DNAH6: variants seen among roughly 807,000 people sequenced by gnomAD.
DNAH6 encodes dynein axonemal heavy chain 6.
DNAH6 carries 340 observed loss-of-function variants against 491.4 expected under a neutral mutation model. The observed-to-expected ratio is 0.69, with a 90% CI of 0.63 to 0.76. The LOEUF is 0.76. DNAH6 is among the 30% of genes least tolerant of loss of function. DNAH6 has a pLI of 0.00. For synonymous variants in DNAH6, 1,603 were observed against 1,686.1 expected, an observed-to-expected ratio of 0.95 and a Z score of 1.21; for missense variants, 4,443 against 4,972.2, an observed-to-expected ratio of 0.89 and a Z score of 3.20.
chr2:84,765,447 T>G (rs1454280865), intron 64 of DNAH6, among the ~76,000 whole-genome samples: 1 of 152,088 alleles, frequency 6.6e-6, no homozygotes, highest in Non-Finnish European at 1.5e-5. Flanking sequence ...AGGAAGGTTA[T>G]TAATCAGTAG....
intron 62 of DNAH6, among the ~76,000 whole-genome samples, chr2:84,743,310 T>C (rs1381422369): frequency 3.3e-5 from 5 of 152,212 alleles, no homozygotes; most frequent in African/African-American, 1.2e-4. Context: ...CCTGTTTTTA[T>C]GTGTTAGATT....
At chr2:84,751,252 A>G (rs1449563522) in intron 63 of DNAH6, 1 of 152,250 alleles carries the variant, frequency 6.6e-6, no homozygotes. Context: ...AAGAAGCCTT[A>G]TAACTAAGAC....
intron 64 of DNAH6, chr2:84,777,919 G>A: frequency 8.8e-7 from 1 of 1,130,466 alleles, no homozygotes; most frequent in Non-Finnish European, 1.4e-6. Flanking sequence ...CGTTAGGCTG[G>A]ACCAAATTAA....
Position 84,727,656 on chromosome 2 carries a change from C to A in DNAH6, c.9973-13C>A. The A allele has an allele frequency of 6.8e-7, 1 of 1,478,774 alleles. No individual in the cohort carries two copies. Among genetic ancestry groups the A allele is most frequent in the Non-Finnish European group, 9.2e-7 (1 of 1,081,540 alleles). 91.6% of individuals were successfully genotyped at this position (1,478,774 alleles called of 1,614,324 possible). A position where few individuals can be genotyped will look rare whatever the true frequency, so the allele number is the denominator to read the frequency against. On this transcript the variant is annotated splice_polypyrimidine_tract_variant and intron_variant, in intron 60 of 76. Coordinates refer to ENST00000389394, the MANE Select transcript of DNAH6 (RefSeq NM_001370.2). ...TTAAATCAGAGACATTGATAGAGCT[C>A]TCTTTCACACAGTTGTTCAATACCA...
intron 64 of DNAH6, among the ~76,000 whole-genome samples, chr2:84,776,193 A>G (rs980078919): frequency 6.6e-6 from 1 of 152,234 alleles, no homozygotes; most frequent in Non-Finnish European, 1.5e-5. Flanking sequence ...TGATTGGGAA[A>G]GAATGTTGGA....
intron 31 of DNAH6, among the ~76,000 whole-genome samples, chr2:84,639,761 T>C (rs765513208): frequency 2.6e-5 from 4 of 152,144 alleles, no homozygotes; most frequent in Admixed American, 6.5e-5. Context: ...TGCAGAGCAC[T>C]GTGCTAATCA....
chr2:84,797,719 A>G (rs1022430494), intron 70 of DNAH6, 61 bp downstream of exon 70: 10 of 1,296,846 alleles, frequency 7.7e-6, no homozygotes, highest in Admixed American at 4.2e-5. Flanking sequence ...CAAAACATCA[A>G]TAATCACCCC....
intron 74 of DNAH6, 114 bp from the exon 75 acceptor site, chr2:84,813,857 T>G: frequency 9.4e-7 from 1 of 1,066,100 alleles, no homozygotes; most frequent in Non-Finnish European, 1.4e-6. Flanking sequence ...TTGGGTCTTC[T>G]CTGTGGTGGG....
the DNAH6 span, among the ~76,000 whole-genome samples, chr2:84,466,757 CT>C: frequency 6.6e-6 from 1 of 152,298 alleles, no homozygotes; most frequent in African/African-American, 2.4e-5. Flanking sequence ...TATAAACCAA[CT>C]TCTAAAGAGG....
At chr2:84,717,085 C>G (rs1347458570) in intron 58 of DNAH6, among the ~76,000 whole-genome samples, 3 of 152,176 alleles carry the variant, frequency 2.0e-5, no homozygotes, top group African/African-American at 7.2e-5. Flanking sequence ...CAGCACAAGG[C>G]CATTTTTCAA....
Position 84,557,815 on chromosome 2 carries a change from T to A in DNAH6, c.1683T>A (p.Asp561Glu). 1.2e-6 allele frequency: 2 copies of A among 1,613,356 alleles called. No homozygotes were observed. The highest frequency in any genetic ancestry group is 1.7e-6 in the Non-Finnish European group (2 of 1,179,492). Residue 561 changes from aspartate to glutamate, a missense_variant, in exon 11 of 77, where the codon GAT becomes GAA. Physicochemically the swap from Asp to Glu is conservative, Grantham distance 45. Coordinates refer to ENST00000389394, the MANE Select transcript of DNAH6 (RefSeq NM_001370.2). ...VPNLVPDSYF[D>E]AFTSPYINNK... Reference sequence around the variant, plus strand: ...ATCTCGTGCCTGATTCGTATTTTGATGCTTTCACCAGCCCTTATATTAACA... The same window carrying A: ...ATCTCGTGCCTGATTCGTATTTTGAAGCTTTCACCAGCCCTTATATTAACA...
Position 84,781,556 on chromosome 2 carries a change from A to C in DNAH6, c.10767A>C (p.Ala3589=). Residue 3589 remains alanine (A), a synonymous_variant, in exon 65 of 77, where the codon GCA becomes GCC. Coordinates refer to ENST00000389394, the MANE Select transcript of DNAH6 (RefSeq NM_001370.2). ...TTGCTGAAAAAATGGTCAAGGATGC[A>C]ATGAAATCAGGAAACTGGGTATTTT... ...GPIAEKMVKD[A]MKSGNWVFLQ... 1 of 1,551,714 alleles carries C rather than the reference A, an allele frequency of 6.4e-7. No homozygotes were observed. The highest frequency in any genetic ancestry group is 8.7e-7 in the Non-Finnish European group (1 of 1,146,938).
In DNAH6 at chr2:84,624,454, A is replaced by G. The variant is rs1235356866; in HGVS notation, c.4198-11A>G. 12 of 1,550,848 alleles carry G rather than the reference A, an allele frequency of 7.7e-6. No individual in the cohort carries two copies. Among genetic ancestry groups the G allele is most frequent in the Non-Finnish European group, 1.0e-5 (12 of 1,146,412 alleles). On this transcript the variant is annotated splice_polypyrimidine_tract_variant and intron_variant, in intron 27 of 76. Coordinates refer to ENST00000389394, the MANE Select transcript of DNAH6 (RefSeq NM_001370.2). ...TGAAATTAGTGTATCTAATATGTAT[A>G]TCACATATAGGTGGAGACAGTTGAA...
the DNAH6 span, among the ~76,000 whole-genome samples, chr2:84,503,952 T>G: frequency 6.6e-6 from 1 of 152,156 alleles, no homozygotes; most frequent in African/African-American, 2.4e-5. Flanking sequence ...TCTCTAAGTT[T>G]GGGAAATTCT....
chr2:84,681,524 G>T lies in DNAH6; in HGVS notation c.6912G>T (p.Val2304=). Residue 2304 remains valine, a synonymous_variant, in exon 42 of 77, where the codon GTG becomes GTT. Coordinates refer to ENST00000389394, the MANE Select transcript of DNAH6 (RefSeq NM_001370.2). ...ACTTGAGGGACTTATCCAAATGTGT[G>T]CAAGGTAGTGTACTGAACCCTCGTT... ...VFNLRDLSKC[V]QGILQCDPGT... 1 of 1,543,402 alleles carries T rather than the reference G, an allele frequency of 6.5e-7. No individual in the cohort carries two copies. Among genetic ancestry groups the T allele is most frequent in the Non-Finnish European group, 8.7e-7 (1 of 1,143,480 alleles).
chr2:84,816,592 G>A (rs560335052), intron 76 of DNAH6, among the ~76,000 whole-genome samples: 42 of 152,208 alleles, frequency 2.8e-4, no homozygotes, highest in African/African-American at 7.9e-4. Context: ...GCATGGTGGC[G>A]GGTGCCAGTA....
intron 45 of DNAH6, among the ~76,000 whole-genome samples, chr2:84,689,453 G>A (rs557112370): frequency 6.6e-6 from 1 of 152,252 alleles, no homozygotes; most frequent in East Asian, 1.9e-4. Context: ...TGGAGTGCCT[G>A]GAGCATCTCC....
Position 84,579,641 on chromosome 2 carries a change from G to C in DNAH6, c.2191G>C (p.Val731Leu). 1 of 1,597,654 alleles carries C rather than the reference G, an allele frequency of 6.3e-7. No homozygotes were observed. Among genetic ancestry groups the C allele is most frequent in the Non-Finnish European group, 8.5e-7 (1 of 1,174,476 alleles). Reference protein sequence around the residue: ...EFVPTTTTEYVHSLLFLDEIQ... With the variant: ...EFVPTTTTEYLHSLLFLDEIQ... ...TGTTCCAACTACTACCACAGAATATGTTCATAGCTTATTATTTCTTGATGA... is the reference window on the plus strand; with the variant it reads ...TGTTCCAACTACTACCACAGAATATCTTCATAGCTTATTATTTCTTGATGA... The change falls in exon 14 of 77, where the codon GTT (valine) becomes CTT (leucine). Residue 731 changes from valine to leucine, a missense_variant. Val to Leu is a conservative substitution (Grantham distance 32). This residue lies in a region of DNAH6 where 2,977 missense variants were observed against 3,296.6 expected (regional missense o/e 0.90). Transcript: ENST00000389394.
intron 11 of DNAH6, among the ~76,000 whole-genome samples, chr2:84,558,610 A>G (rs1680318878): frequency 1.3e-5 from 2 of 152,158 alleles, no homozygotes; most frequent in South Asian, 4.1e-4. Flanking sequence ...TTTTCATTAC[A>G]TGTTTAATGT....
Sources: allele counts gnomAD v4.1 joint callset (sites outside exome capture counted in the v4.1 genomes callset), GRCh38; gene constraint gnomAD v4.1.1; regional missense constraint gnomAD v4.1.1; transcripts MANE v1.5; gene names NCBI Gene and HGNC (gene_info 2026-07-23, HGNC 2026-07-21).